CCDC141: variants seen among roughly 807,000 people sequenced by gnomAD.
CCDC141 encodes coiled-coil domain containing 141, also known as coiled-coil domain-containing protein 141.
In CCDC141, 168 loss-of-function variants were observed where a neutral mutation model predicts 181.0. The ratio of observed to expected loss-of-function variants is 0.93; its 90% CI spans 0.82 to 1.05. The LOEUF (loss-of-function observed/expected upper bound fraction) is 1.05. CCDC141 is among the 50% of genes least tolerant of loss of function. The probability of loss-of-function intolerance (pLI) is 0.00; values close to 1 mark genes in which losing one functional copy is unlikely to be tolerated. For synonymous variants in CCDC141, 666 were observed against 642.3 expected (o/e 1.04, Z -0.56); for missense variants, 1,902 against 1,788.5 (o/e 1.06, Z -1.14).
intron 17 of CCDC141, among the ~76,000 whole-genome samples, chr2:178,862,864 T>A (rs1322574616): frequency 6.6e-6 from 1 of 152,202 alleles, no homozygotes; most frequent in African/African-American, 2.4e-5. Flanking sequence ...TTGAGTTCTT[T>A]TCTAAGGGCT....
chr2:178,929,386 A>G (rs778351170), intron 6 of CCDC141, among the ~76,000 whole-genome samples: 11 of 152,182 alleles, frequency 7.2e-5, no homozygotes, highest in Non-Finnish European at 1.5e-4. Flanking sequence ...TTGTTCAACA[A>G]TGCCTGTGAA....
At chr2:178,975,369 C>A (rs545928498) in intron 3 of CCDC141, among the ~76,000 whole-genome samples, 2 of 152,160 alleles carry the variant, frequency 1.3e-5, no homozygotes. Context: ...GGTCAATTTA[C>A]AAAGTGTCAT....
At chr2:178,937,508 G>A (rs181340354) in intron 6 of CCDC141, among the ~76,000 whole-genome samples, 13 of 152,172 alleles carry the variant, frequency 8.5e-5, no homozygotes, top group Admixed American at 2.0e-4. Flanking sequence ...GTTTTGTTGC[G>A]GACTTCTGCA....
intron 6 of CCDC141, among the ~76,000 whole-genome samples, chr2:178,934,427 G>C (rs1689209251): frequency 6.6e-6 from 1 of 152,084 alleles, no homozygotes; most frequent in Admixed American, 6.6e-5. Flanking sequence ...CAATTTAAGA[G>C]TATTTAAGGT....
At chr2:178,989,533 G>T (rs991922901) in intron 2 of CCDC141, among the ~76,000 whole-genome samples, 13 of 151,160 alleles carry the variant, frequency 8.6e-5, no homozygotes, top group Admixed American at 8.6e-4. Flanking sequence ...GGCAGAGGTT[G>T]CAGTGAGCTG....
chr2:179,015,255 C>CAT (rs2154384997), intron 2 of CCDC141, among the ~76,000 whole-genome samples: 1 of 88,952 alleles, frequency 1.1e-5, no homozygotes, highest in African/African-American at 4.2e-5. Flanking sequence ...ATATATATCT[C>CAT]ATATATATCA....
intron 21 of CCDC141, among the ~76,000 whole-genome samples, chr2:178,849,309 G>A (rs1336597500): frequency 6.6e-6 from 1 of 152,180 alleles, no homozygotes; most frequent in African/African-American, 2.4e-5. Context: ...ACAGGCTCAG[G>A]GAGATTAAAT....
Position 178,850,085 on chromosome 2 carries a change from T to G in CCDC141, c.3321A>C (p.Leu1107Phe). The change falls in exon 21 of 24, where the codon TTA (leucine) becomes TTC (phenylalanine). Residue 1107 changes from leucine (L) to phenylalanine (F), a missense_variant. Transcript: ENST00000443758. ...HKEVLESVTELCESLTELEEK... is the reference protein window; with the variant it reads ...HKEVLESVTEFCESLTELEEK... ...CTTCGAGCTCTGTGAGGGACTCACA[T>G]AATTCAGTCACAGATTCAAGAACCT... The G allele has an allele frequency of 1.2e-6, 2 of 1,608,996 alleles. No homozygotes were observed. The highest frequency in any genetic ancestry group is 8.5e-7 in the Non-Finnish European group (1 of 1,176,864).
Position 178,961,312 on chromosome 2 carries a change from T to C in CCDC141, c.698A>G (p.Gln233Arg). 1 of 1,550,572 alleles carries C rather than the reference T, an allele frequency of 6.4e-7. No homozygotes were observed. Among genetic ancestry groups the C allele is most frequent in the Non-Finnish European group, 8.7e-7 (1 of 1,146,938 alleles). ...CTGTTGCTTCAAGTACTTGTCTAGT[T>C]GTCTTCTCCTGTCTTGTAGAAGTTC... ...LLELLQDRRRQLDKYLKQQWQ... is the reference protein window; with the variant it reads ...LLELLQDRRRRLDKYLKQQWQ... The change falls in exon 5 of 24, where the codon CAA (glutamine) becomes CGA (arginine). Residue 233 changes from glutamine to arginine, a missense_variant. Coordinates refer to ENST00000443758, the MANE Select transcript of CCDC141 (RefSeq NM_173648.4).
chr2:178,848,667 A>T (rs147759731), intron 21 of CCDC141, among the ~76,000 whole-genome samples: 1 of 152,296 alleles, frequency 6.6e-6, no homozygotes, highest in East Asian at 1.9e-4. Context: ...AAGATGTGCA[A>T]CGTAAACGGG....
intron 2 of CCDC141, among the ~76,000 whole-genome samples, chr2:178,989,922 C>G (rs1383010406): frequency 1.3e-5 from 2 of 150,080 alleles, no homozygotes; most frequent in African/African-American, 4.9e-5. Context: ...GGCGGATCAC[C>G]TGAGGTCAGG....
rs143637288 is a variant in CCDC141 at position 179,035,068 on chromosome 2, C to T, written c.225+12216G>A. Among the ~76,000 whole-genome samples the T allele has an allele frequency of 2.3e-3, 356 of 152,190 alleles. 1 individual carries two copies. The highest frequency in any genetic ancestry group is 8.3e-3 in the African/African-American group (344 of 41,536). On this transcript the variant is annotated intron_variant, in intron 2 of 23. Transcript: ENST00000443758. Reference sequence around the variant, plus strand: ...CTGGAAGAACTAAATACCCTATTTTCCACAATATACCCATAATAGTTTGTG... The same window carrying T: ...CTGGAAGAACTAAATACCCTATTTTTCACAATATACCCATAATAGTTTGTG...
the CCDC141 span, among the ~76,000 whole-genome samples, chr2:178,817,169 C>A: frequency 8.5e-5 from 13 of 152,272 alleles, no homozygotes; most frequent in African/African-American, 2.9e-4. Flanking sequence ...CCTAAGTGGA[C>A]AACTGGTTCT....
At chr2:178,859,121 G>A (rs1246285875) in intron 17 of CCDC141, among the ~76,000 whole-genome samples, 2 of 152,180 alleles carry the variant, frequency 1.3e-5, no homozygotes, top group Non-Finnish European at 2.9e-5. Flanking sequence ...TGACACATGA[G>A]CTCCCTTGAC....
chr2:178,940,403 A>G (rs773282765), intron 6 of CCDC141, among the ~76,000 whole-genome samples: 11 of 152,232 alleles, frequency 7.2e-5, no homozygotes, highest in Non-Finnish European at 1.2e-4. Context: ...CTATGGCTTC[A>G]TTCTATTTAT....
chr2:179,043,018 A>T (rs1474544796), intron 2 of CCDC141, among the ~76,000 whole-genome samples: 5 of 152,202 alleles, frequency 3.3e-5, no homozygotes, highest in African/African-American at 1.2e-4. Flanking sequence ...AAATAAACAC[A>T]GTTTGAAATG....
At chr2:178,823,609 A>C in the CCDC141 span, among the ~76,000 whole-genome samples, 1 of 152,190 alleles carries the variant, frequency 6.6e-6, no homozygotes, top group African/African-American at 2.4e-5. Context: ...CTGCTTCTCA[A>C]CTAAGATTTA....
chr2:178,958,709 C>T (rs1378179107), intron 5 of CCDC141, among the ~76,000 whole-genome samples: 2 of 10,684 alleles, frequency 1.9e-4, no homozygotes, highest in South Asian at 0.071. Context: ...GTGATTTTTT[C>T]CCCTTTTTTT....
rs1000217070 is a variant in CCDC141 at position 179,049,978 on chromosome 2, T to G, written c.-37A>C. ...ACCAGAGTTTATACTTTGGGCAGCC[T>G]CTGGACAGTTGTGTGTCTGCTGGTC... On this transcript the variant is annotated 5_prime_UTR_variant, in exon 1 of 24. Coordinates refer to ENST00000443758, the MANE Select transcript of CCDC141 (RefSeq NM_173648.4). 32 of 1,549,902 alleles carry G rather than the reference T, an allele frequency of 2.1e-5. No homozygotes were observed. Among genetic ancestry groups the G allele is most frequent in the Non-Finnish European group, 3.5e-6 (4 of 1,146,664 alleles).
Sources: allele counts gnomAD v4.1 joint callset (sites outside exome capture counted in the v4.1 genomes callset), GRCh38; gene constraint gnomAD v4.1.1; transcripts MANE v1.5; gene names NCBI Gene and HGNC (gene_info 2026-07-23, HGNC 2026-07-21).